The following GSE1 variants were observed in gnomAD, a reference collection of about 807,000 sequenced individuals.
GSE1 encodes Gse1 coiled-coil protein, also known as genetic suppressor element 1.
A neutral mutation model predicts 112.6 loss-of-function variants in GSE1; 32 were observed. The observed-to-expected ratio is 0.28, with a 90% CI of 0.21 to 0.38. The LOEUF is 0.38. GSE1 is among the 10% of genes least tolerant of loss of function. The pLI is 1.00. For synonymous variants in GSE1, 1,115 were observed against 735.6 expected (o/e 1.52, Z -8.35); for missense variants, 2,348 against 1,699.2 (o/e 1.38, Z -6.71).
intron 2 of GSE1, among the ~76,000 whole-genome samples, chr16:85,530,686 T>C (rs1008934105): frequency 6.6e-6 from 1 of 152,184 alleles, no homozygotes; most frequent in African/African-American, 2.4e-5. Context: ...AATTGCTACC[T>C]GAAGCCTCAC....
At chr16:85,620,697 C>G (rs11860635) in intron 1 of GSE1, among the ~76,000 whole-genome samples, 15,498 of 152,346 alleles carry the variant, frequency 0.1, 2,600 homozygotes, top group African/African-American at 0.35. Flanking sequence ...AGCCCTGCAT[C>G]TCTGAGCTGT....
intron 2 of GSE1, among the ~76,000 whole-genome samples, chr16:85,367,328 C>T (rs1342205851): frequency 6.6e-6 from 1 of 152,212 alleles, no homozygotes; most frequent in African/African-American, 2.4e-5. Flanking sequence ...CGCTACAATG[C>T]CGTATGTGTG....
At chr16:85,463,384 T>A (rs543134257) in intron 2 of GSE1, among the ~76,000 whole-genome samples, 1 of 152,300 alleles carries the variant, frequency 6.6e-6, no homozygotes, top group South Asian at 2.1e-4. Context: ...CTGGGCCAAC[T>A]CTAGGCAGCC....
intron 2 of GSE1, among the ~76,000 whole-genome samples, chr16:85,647,724 C>T (rs1428700500): frequency 2.0e-5 from 3 of 152,184 alleles, no homozygotes; most frequent in East Asian, 1.9e-4. Flanking sequence ...GTAGCTGGGA[C>T]TACAGGCGCG....
rs554449095 is a variant in GSE1, at chr16:85,206,193, G to A, written c.2283+34386G>A. ...AAGGGGGGAGGGAAGCACCCAGATGGGGGGGGCGCATGTGCAAAGGGCGCC... is the reference window on the plus strand; with the variant it reads ...AAGGGGGGAGGGAAGCACCCAGATGAGGGGGGCGCATGTGCAAAGGGCGCC... On this transcript the variant is annotated intron_variant, in intron 1 of 2. Transcript: ENST00000637419. Among the ~76,000 whole-genome samples, 5 of 149,514 alleles carry A rather than the reference G, an allele frequency of 3.3e-5. No homozygotes were observed. In the East Asian group the frequency reaches 5.8e-4, roughly 17 times the overall value.
intron 3 of GSE1, among the ~76,000 whole-genome samples, chr16:85,652,162 A>G (rs2051415392): frequency 6.6e-6 from 1 of 152,184 alleles, no homozygotes; most frequent in African/African-American, 2.4e-5. Flanking sequence ...CTGCCCTGTG[A>G]GTCCCCCGCA....
chr16:85,263,108 A>G (rs963446458), intron 1 of GSE1, among the ~76,000 whole-genome samples: 3 of 152,340 alleles, frequency 2.0e-5, no homozygotes, highest in African/African-American at 7.2e-5. Flanking sequence ...CGTAGTGATT[A>G]GAGGCTTCCA....
chr16:85,200,682 A>G (rs538208931), intron 1 of GSE1, among the ~76,000 whole-genome samples: 43 of 152,352 alleles, frequency 2.8e-4, no homozygotes, highest in Middle Eastern at 3.4e-3. Flanking sequence ...TCTTACTGCA[A>G]GGGGACAGTT....
intron 2 of GSE1, among the ~76,000 whole-genome samples, chr16:85,446,850 C>T (rs1056178119): frequency 6.6e-6 from 1 of 152,134 alleles, no homozygotes; most frequent in Non-Finnish European, 1.5e-5. Context: ...AGGTTCCTCC[C>T]AGGGCCCGCA....
upstream of GSE1, chr16:85,555,315 G>A (rs1264751095): frequency 6.1e-6 from 6 of 985,086 alleles, no homozygotes; most frequent in Non-Finnish European, 3.6e-6. Context: ...CAGAGCCCCC[G>A]CGAGTTCTTT....
chr16:85,313,649 G>T (rs2045912191), intron 1 of GSE1, among the ~76,000 whole-genome samples: 1 of 152,168 alleles, frequency 6.6e-6, no homozygotes, highest in African/African-American at 2.4e-5. Context: ...GAGGATTCTG[G>T]AGCCTGCTCA....
chr16:85,461,694 T>C (rs1449883629), intron 2 of GSE1, among the ~76,000 whole-genome samples: 1 of 152,128 alleles, frequency 6.6e-6, no homozygotes, highest in African/African-American at 2.4e-5. Context: ...CAGGCTGCAG[T>C]CGGTGGGCTG....
intron 1 of GSE1, among the ~76,000 whole-genome samples, chr16:85,235,471 T>TGTGTG (rs761878320): frequency 9.3e-6 from 1 of 107,158 alleles, no homozygotes; most frequent in Non-Finnish European, 2.0e-5. Context: ...TGTGTGTGTG[T>TGTGTG]AGGGGGTGTG....
upstream of GSE1, among the ~76,000 whole-genome samples, chr16:85,609,503 G>A (rs2047868349): frequency 6.6e-6 from 1 of 152,204 alleles, no homozygotes; most frequent in Non-Finnish European, 1.5e-5. Context: ...TGTGTTTGTT[G>A]AGTGAAAAAC....
At chr16:85,387,483 G>A (rs745698781) in intron 2 of GSE1, among the ~76,000 whole-genome samples, 10 of 152,172 alleles carry the variant, frequency 6.6e-5, no homozygotes, top group African/African-American at 1.7e-4. Flanking sequence ...AGAACTTTGC[G>A]GGACTGGCTT....
intron 1 of GSE1, among the ~76,000 whole-genome samples, chr16:85,176,684 C>T (rs1238900243): frequency 6.6e-6 from 1 of 152,266 alleles, no homozygotes; most frequent in East Asian, 1.9e-4. Context: ...ATACCCCAGC[C>T]TCTCACTGTG....
chr16:85,400,249 TTGTGTGTGTGTGTG>T lies in GSE1; in HGVS notation c.2464+42626_2464+42639del, dbSNP rs60393248. On this transcript the variant is annotated intron_variant, in intron 2 of 2. Transcript: ENST00000637419. Reference sequence around the variant, plus strand: ...AGATGGGAAAACAGGAAGTGTAGGGTTGTGTGTGTGTGTGTGTGTGTGTGTGTGTGTGTAATTGT... The same window carrying T: ...AGATGGGAAAACAGGAAGTGTAGGGTTGTGTGTGTGTGTGTGTGTAATTGT... Among the ~76,000 whole-genome samples the T allele has an allele frequency of 4.6e-5, 7 of 150,590 alleles. No homozygotes were observed. In the South Asian group the frequency reaches 1.1e-3, roughly 23 times the overall value.
rs2051737186 is a variant in GSE1 at position 85,654,548 on chromosome 16, C to T, written c.599+98C>T. The T allele has an allele frequency of 3.7e-6, 4 of 1,071,744 alleles. No individual in the cohort carries two copies. The South Asian group carries it at 4.5e-5, about 12-fold the overall frequency. 66.4% of individuals were successfully genotyped at this position (1,071,744 alleles called of 1,614,324 possible). ...CAGCCTGCGGTCTGCACAGATGAGGCTGTGCCTGCTAGATGGTTGTCGGCC... is the reference window on the plus strand; with the variant it reads ...CAGCCTGCGGTCTGCACAGATGAGGTTGTGCCTGCTAGATGGTTGTCGGCC... On this transcript the variant is annotated intron_variant, in intron 4 of 15. Transcript: ENST00000253458.
rs2052587899 is a variant in GSE1, at chr16:85,663,398, T to C, written c.2428T>C (p.Leu810=). The change falls in exon 11 of 16, where the codon TTG becomes CTG. Residue 810 remains leucine, a synonymous_variant. Transcript: ENST00000253458. ...GLTTQQQKEE[L]VAQKRRKRRR... ...GACCACCCAACAGCAGAAGGAGGAA[T>C]TGGTGGCCCAGAAGCGGAGGAAGCG... 3 of 1,613,872 alleles carry C rather than the reference T, an allele frequency of 1.9e-6. No individual in the cohort carries two copies. Among genetic ancestry groups the C allele is most frequent in the Non-Finnish European group, 2.5e-6 (3 of 1,180,020 alleles).
Sources: gnomAD v4.1 joint callset for allele counts (sites outside exome capture counted in the v4.1 genomes callset) on GRCh38, gnomAD v4.1.1 for gene constraint, MANE v1.5 for transcripts, NCBI Gene and HGNC (gene_info 2026-07-23, HGNC 2026-07-21) for gene names.